Variants in TMEM132C observed in about 807,000 individuals in gnomAD.
The protein encoded by TMEM132C is protein phosphatase 1, regulatory subunit 152.
In TMEM132C, 29 loss-of-function variants were observed where a neutral mutation model predicts 61.4. The ratio of observed to expected loss-of-function variants is 0.47; its 90% CI spans 0.35 to 0.64. The LOEUF (loss-of-function observed/expected upper bound fraction) is 0.64. Among genes scored for constraint, TMEM132C ranks in the 30% least tolerant of loss-of-function variants. TMEM132C has a pLI of 0.00. For missense variants in TMEM132C, 1,408 were observed against 1,476.9 expected, an observed-to-expected ratio of 0.95 and a Z score of 0.76; for synonymous variants, 656 against 633.1, an observed-to-expected ratio of 1.04 and a Z score of -0.54.
chr12:128,706,440 A>G lies in TMEM132C; in HGVS notation c.*145A>G. 9.0e-7 allele frequency: 1 copy of G among 1,115,510 alleles called. No individual in the cohort carries two copies. The highest frequency in any genetic ancestry group is 1.2e-6 in the Non-Finnish European group (1 of 835,824). The allele number at this position is 1,115,510 out of a possible 1,614,324, so 69.1% of individuals were successfully genotyped here. A position where few individuals can be genotyped will look rare whatever the true frequency, so the allele number is the denominator to read the frequency against. On this transcript the variant is annotated 3_prime_UTR_variant, in exon 9 of 9. Coordinates refer to ENST00000435159, the MANE Select transcript of TMEM132C (RefSeq NM_001136103.3). ...CAGTTGGAAAGTTTTGAAGTCAGGAAAAGACGTTTTTGTATCAAGGGATTT... is the reference window on the plus strand; with the variant it reads ...CAGTTGGAAAGTTTTGAAGTCAGGAGAAGACGTTTTTGTATCAAGGGATTT...
At chr12:128,316,339 T>A (rs573518069) in intron 1 of TMEM132C, among the ~76,000 whole-genome samples, 3 of 152,254 alleles carry the variant, frequency 2.0e-5, no homozygotes, top group South Asian at 4.1e-4. Flanking sequence ...GAGGTTCCCT[T>A]CCTCTTCCTT....
At chr12:128,443,976 G>C (rs550450892) in intron 2 of TMEM132C, among the ~76,000 whole-genome samples, 20 of 152,282 alleles carry the variant, frequency 1.3e-4, no homozygotes, top group Admixed American at 3.3e-4. Context: ...AGGCTGCAGT[G>C]CTGTGGTACC....
chr12:128,377,855 G>C (rs1439989892), intron 1 of TMEM132C, among the ~76,000 whole-genome samples: 1 of 152,194 alleles, frequency 6.6e-6, no homozygotes, highest in Non-Finnish European at 1.5e-5. Flanking sequence ...ATTTTCTGAA[G>C]AGCAGTGTGG....
chr12:128,276,448 T>C (rs1477937116), intron 1 of TMEM132C, among the ~76,000 whole-genome samples: 2 of 152,222 alleles, frequency 1.3e-5, no homozygotes, highest in East Asian at 3.8e-4. Flanking sequence ...CAAAGGTTTA[T>C]ATTCTGAGAC....
intron 5 of TMEM132C, among the ~76,000 whole-genome samples, chr12:128,672,600 G>A (rs571296974): frequency 4.2e-4 from 64 of 152,176 alleles, no homozygotes; most frequent in Admixed American, 1.0e-3. Context: ...TGTTGACAAA[G>A]CAATGTGAAA....
intron 8 of TMEM132C, among the ~76,000 whole-genome samples, chr12:128,702,455 A>G (rs1487573521): frequency 2.0e-5 from 3 of 152,022 alleles, no homozygotes; most frequent in Non-Finnish European, 4.4e-5. Context: ...CCTTTAAGTT[A>G]TAGCCTTTGG....
At position 128,584,630 on chromosome 12, in the gene TMEM132C, C is replaced by A. The variant is rs58786980; in HGVS notation, c.1122-31522C>A. Among the ~76,000 whole-genome samples, 939 of 152,338 alleles carry A rather than the reference C, an allele frequency of 6.2e-3. 14 individuals carry two copies. The highest frequency in any genetic ancestry group is 0.021 in the African/African-American group (877 of 41,572). On this transcript the variant is annotated intron_variant, in intron 3 of 8. Coordinates refer to ENST00000435159, the MANE Select transcript of TMEM132C (RefSeq NM_001136103.3). Reference sequence around the variant, plus strand: ...GTTTTTCACTGCCGTCTTTCTGCTGCTCTTCACATGTGCATGATTTTGGTG... The same window carrying A: ...GTTTTTCACTGCCGTCTTTCTGCTGATCTTCACATGTGCATGATTTTGGTG...
intron 5 of TMEM132C, among the ~76,000 whole-genome samples, chr12:128,678,465 A>G (rs1490411988): frequency 6.6e-6 from 1 of 152,244 alleles, no homozygotes; most frequent in South Asian, 2.1e-4. Context: ...TGCCACTGAC[A>G]AGTTCTTCTT....
At chr12:128,549,697 G>A (rs767561408) in intron 3 of TMEM132C, among the ~76,000 whole-genome samples, 4 of 152,138 alleles carry the variant, frequency 2.6e-5, no homozygotes, top group African/African-American at 4.8e-5. Flanking sequence ...ATGAACAGGG[G>A]CACTTGAATG....
At chr12:128,544,229 T>G (rs35380911) in intron 3 of TMEM132C, 126 bp downstream of exon 3, 664,647 of 1,319,432 alleles carry the variant, frequency 0.5, 172,194 homozygotes, top group Non-Finnish European at 0.53. Flanking sequence ...ACCCACCACG[T>G]GGAAATCTGG....
intron 1 of TMEM132C, among the ~76,000 whole-genome samples, chr12:128,382,986 G>A (rs1874454465): frequency 6.6e-6 from 1 of 151,952 alleles, no homozygotes; most frequent in African/African-American, 2.4e-5. Context: ...CTGTCTCTGT[G>A]TCTGTATGTA....
chr12:128,631,930 A>T (rs1954067833), intron 4 of TMEM132C, among the ~76,000 whole-genome samples: 1 of 152,188 alleles, frequency 6.6e-6, no homozygotes, highest in South Asian at 2.1e-4. Flanking sequence ...ACTGGCCAGG[A>T]ATGGTGTGTG....
chr12:128,497,701 G>A (rs1264494250), intron 2 of TMEM132C, among the ~76,000 whole-genome samples: 8 of 152,296 alleles, frequency 5.3e-5, no homozygotes, highest in African/African-American at 1.9e-4. Flanking sequence ...TAGGGTGAGA[G>A]TGACCCGATT....
chr12:128,593,230 T>C (rs532936838), intron 3 of TMEM132C, among the ~76,000 whole-genome samples: 1 of 149,870 alleles, frequency 6.7e-6, no homozygotes, highest in South Asian at 2.1e-4. Context: ...CTCTCTCTCT[T>C]CTCTTTCTGT....
At chr12:128,637,714 C>T (rs950737998) in intron 4 of TMEM132C, among the ~76,000 whole-genome samples, 7 of 152,130 alleles carry the variant, frequency 4.6e-5, no homozygotes, top group African/African-American at 9.7e-5. Context: ...ATGTTCCTCT[C>T]GCCACGATAC....
chr12:128,407,379 C>A (rs956958832), intron 1 of TMEM132C, among the ~76,000 whole-genome samples: 8 of 152,190 alleles, frequency 5.3e-5, no homozygotes, highest in Non-Finnish European at 1.0e-4. Context: ...TCGGGTATTT[C>A]TTCATAGCAG....
intron 1 of TMEM132C, among the ~76,000 whole-genome samples, chr12:128,395,509 G>A (rs1164955759): frequency 6.6e-6 from 1 of 152,154 alleles, no homozygotes; most frequent in Non-Finnish European, 1.5e-5. Flanking sequence ...AATATTCTAA[G>A]TTTGAAAATA....
chr12:128,376,734 A>G (rs1209529506), intron 1 of TMEM132C, among the ~76,000 whole-genome samples: 1 of 152,230 alleles, frequency 6.6e-6, no homozygotes, highest in African/African-American at 2.4e-5. Flanking sequence ...CTTTGTATTT[A>G]GGAACAGAAA....
chr12:128,617,833 T>A (rs1357048629), intron 4 of TMEM132C, among the ~76,000 whole-genome samples: 1 of 152,148 alleles, frequency 6.6e-6, no homozygotes, highest in Non-Finnish European at 1.5e-5. Flanking sequence ...CCCCAGAAGG[T>A]ATCATCTACC....
Sources: gnomAD v4.1 joint callset for allele counts (sites outside exome capture counted in the v4.1 genomes callset) on GRCh38, gnomAD v4.1.1 for gene constraint, MANE v1.5 for transcripts, NCBI Gene and HGNC (gene_info 2026-07-23, HGNC 2026-07-21) for gene names.